The following SGCZ variants were observed in gnomAD, a reference collection of about 807,000 sequenced individuals.
The protein encoded by SGCZ is zeta-sarcoglycan.
Under a neutral mutation model 41.3 loss-of-function variants are expected in SGCZ, and 40 were observed. The observed-to-expected ratio is 0.97, with a 90% CI of 0.75 to 1.26. SGCZ has a LOEUF of 1.26. Ranked by LOEUF, SGCZ falls within the 50% of genes most tolerant of loss-of-function variation. The pLI is 0.00. For missense variants in SGCZ, 552 were observed against 369.8 expected, an observed-to-expected ratio of 1.49 and a Z score of -4.04; for synonymous variants, 206 against 137.5, an observed-to-expected ratio of 1.50 and a Z score of -3.49.
chr8:14,865,106 G>T (rs184829863), intron 1 of SGCZ, among the ~76,000 whole-genome samples: 4 of 152,118 alleles, frequency 2.6e-5, no homozygotes, highest in Non-Finnish European at 5.9e-5. Flanking sequence ...TATAAAAAAT[G>T]TGCAATAGTT....
chr8:14,672,435 T>C (rs1030679543), intron 1 of SGCZ, among the ~76,000 whole-genome samples: 16 of 152,132 alleles, frequency 1.1e-4, no homozygotes, highest in African/African-American at 3.9e-4. Flanking sequence ...TGGTGGTTGT[T>C]TTTTAAATTC....
At chr8:14,884,053 C>T (rs909081639) in intron 1 of SGCZ, among the ~76,000 whole-genome samples, 1 of 152,038 alleles carries the variant, frequency 6.6e-6, no homozygotes, top group Non-Finnish European at 1.5e-5. Flanking sequence ...TTAAATTTCA[C>T]ATGTGGAGTT....
At chr8:15,051,684 T>A (rs1036241990) in intron 1 of SGCZ, among the ~76,000 whole-genome samples, 1 of 152,200 alleles carries the variant, frequency 6.6e-6, no homozygotes, top group Non-Finnish European at 1.5e-5. Flanking sequence ...TTTAAAAAAA[T>A]TTAGCTATCA....
chr8:15,104,231 C>T (rs1384442765), intron 1 of SGCZ, among the ~76,000 whole-genome samples: 1 of 152,132 alleles, frequency 6.6e-6, no homozygotes, highest in East Asian at 1.9e-4. Flanking sequence ...AGGATTCCTA[C>T]CCTCTCCATC....
At position 14,804,135 on chromosome 8, in the gene SGCZ, A is replaced by T. The variant is rs2130513441; in HGVS notation, c.40-249209T>A. Among the ~76,000 whole-genome samples the T allele has an allele frequency of 2.3e-5, 2 of 87,568 alleles. 1 individual carries two copies. Among genetic ancestry groups the T allele is most frequent in the Non-Finnish European group, 4.2e-5 (2 of 47,850 alleles). 57.4% of individuals were successfully genotyped at this position (87,568 alleles called of 152,430 possible). The stretch of plus-strand genomic sequence containing the variant: ...AAAACCACAAAGATGGGGAAAAAAC[A>T]GAACAGAAAAACTGGAAACTCTAAA... On this transcript the variant is annotated intron_variant, in intron 1 of 7. Coordinates refer to ENST00000382080, the MANE Select transcript of SGCZ (RefSeq NM_139167.4).
intron 3 of SGCZ, among the ~76,000 whole-genome samples, chr8:14,248,394 T>A (rs1231912367): frequency 2.6e-5 from 4 of 152,146 alleles, no homozygotes; most frequent in African/African-American, 7.2e-5. Flanking sequence ...GTGTAGAGAG[T>A]ATCCCAGATG....
chr8:15,164,636 C>CA (rs1799601460), intron 1 of SGCZ, among the ~76,000 whole-genome samples: 1 of 105,884 alleles, frequency 9.4e-6, no homozygotes, highest in Admixed American at 9.2e-5. Flanking sequence ...AAGTTTTAAG[C>CA]AAGTTTTTTT....
At chr8:14,258,146 A>G (rs978935652) in intron 3 of SGCZ, among the ~76,000 whole-genome samples, 22 of 152,318 alleles carry the variant, frequency 1.4e-4, no homozygotes, top group African/African-American at 4.6e-4. Context: ...TGGAAGTATT[A>G]TATGCTAAAA....
At chr8:15,175,206 A>C (rs1298877554) in intron 1 of SGCZ, among the ~76,000 whole-genome samples, 1 of 152,212 alleles carries the variant, frequency 6.6e-6, no homozygotes, top group Non-Finnish European at 1.5e-5. Context: ...AATGTAAATC[A>C]TTCTATTGTA....
At chr8:14,431,849 C>A (rs920093668) in intron 2 of SGCZ, among the ~76,000 whole-genome samples, 1 of 151,880 alleles carries the variant, frequency 6.6e-6, no homozygotes, top group Admixed American at 6.6e-5. Context: ...TAAAACAATC[C>A]CATCAAAAAG....
intron 3 of SGCZ, among the ~76,000 whole-genome samples, chr8:14,255,700 T>C (rs1337228046): frequency 6.6e-6 from 1 of 152,150 alleles, no homozygotes; most frequent in African/African-American, 2.4e-5. Context: ...TATAACTTAT[T>C]AATGAATGAA....
intron 1 of SGCZ, among the ~76,000 whole-genome samples, chr8:14,868,032 G>A (rs1803996694): frequency 6.6e-6 from 1 of 151,902 alleles, no homozygotes; most frequent in Non-Finnish European, 1.5e-5. Flanking sequence ...CTTAGAATTA[G>A]CTCTATGTTT....
intron 3 of SGCZ, among the ~76,000 whole-genome samples, chr8:14,259,111 A>G (rs1204019082): frequency 6.6e-6 from 1 of 152,202 alleles, no homozygotes; most frequent in Non-Finnish European, 1.5e-5. Context: ...AACCTCTAGT[A>G]TACGGATTTG....
intron 1 of SGCZ, among the ~76,000 whole-genome samples, chr8:14,826,194 T>G (rs562973454): frequency 1.3e-5 from 2 of 151,854 alleles, no homozygotes; most frequent in Non-Finnish European, 2.9e-5. Context: ...TTTGGTTTTT[T>G]GTCCTTGCGA....
chr8:14,408,768 A>G (rs910982869), intron 2 of SGCZ, among the ~76,000 whole-genome samples: 2 of 152,012 alleles, frequency 1.3e-5, no homozygotes, highest in South Asian at 4.2e-4. Context: ...AAATCCCTAC[A>G]TAGAATTTAG....
intron 4 of SGCZ, among the ~76,000 whole-genome samples, chr8:14,171,244 G>T (rs563065961): frequency 2.6e-4 from 38 of 148,536 alleles, no homozygotes; most frequent in African/African-American, 8.1e-4. Flanking sequence ...ATGTATCAGG[G>T]TAGTTTTGCA....
intron 1 of SGCZ, among the ~76,000 whole-genome samples, chr8:15,018,087 T>C (rs1803107876): frequency 6.6e-6 from 1 of 152,100 alleles, no homozygotes. Flanking sequence ...TGAAATAATA[T>C]CAAACACAAG....
chr8:14,545,435 A>G (rs893745495), intron 2 of SGCZ, among the ~76,000 whole-genome samples: 1 of 151,668 alleles, frequency 6.6e-6, no homozygotes, highest in Non-Finnish European at 1.5e-5. Flanking sequence ...TTTACAAAAT[A>G]GCGAAAACAT....
chr8:15,187,120 C>G (rs376428240), intron 1 of SGCZ, among the ~76,000 whole-genome samples: 3 of 152,108 alleles, frequency 2.0e-5, no homozygotes, highest in South Asian at 4.1e-4. Context: ...TTTAGCTCTA[C>G]TAGCTGATTC....
Sources: allele counts gnomAD v4.1 joint callset (sites outside exome capture counted in the v4.1 genomes callset), GRCh38; gene constraint gnomAD v4.1.1; transcripts MANE v1.5; gene names NCBI Gene and HGNC (gene_info 2026-07-23, HGNC 2026-07-21).